Variants in CADPS2 observed in about 807,000 individuals in gnomAD.
The protein encoded by CADPS2 is calcium-dependent secretion activator 2.
A neutral mutation model predicts 172.5 loss-of-function variants in CADPS2; 93 were observed. That is an observed-to-expected ratio of 0.54 (90% confidence interval 0.46 to 0.64). CADPS2 has a LOEUF of 0.64. Among genes scored for constraint, CADPS2 ranks in the 30% least tolerant of loss-of-function variants. CADPS2 has a pLI of 0.00. For missense variants in CADPS2, 1,420 were observed against 1,565.9 expected, an observed-to-expected ratio of 0.91 and a Z score of 1.57; for synonymous variants, 546 against 555.2, an observed-to-expected ratio of 0.98 and a Z score of 0.23.
intron 2 of CADPS2, among the ~76,000 whole-genome samples, chr7:122,716,900 T>C (rs1450376139): frequency 6.6e-6 from 1 of 152,016 alleles, no homozygotes; most frequent in African/African-American, 2.4e-5. Context: ...AAGGAAATAA[T>C]GGGGTTTTGT....
chr7:122,609,992 G>T (rs2074085969), intron 6 of CADPS2, among the ~76,000 whole-genome samples: 1 of 152,118 alleles, frequency 6.6e-6, no homozygotes, highest in South Asian at 2.1e-4. Flanking sequence ...GCATTCATGA[G>T]ATACCTTTTT....
chr7:122,650,205 C>T (rs572081497), intron 3 of CADPS2, among the ~76,000 whole-genome samples: 15 of 150,852 alleles, frequency 9.9e-5, no homozygotes, highest in South Asian at 6.3e-4. Context: ...CTACTACGCC[C>T]GGCCAATGAA....
At chr7:122,538,881 G>A (rs921463624) in intron 8 of CADPS2, among the ~76,000 whole-genome samples, 1 of 151,902 alleles carries the variant, frequency 6.6e-6, no homozygotes, top group Admixed American at 6.6e-5. Flanking sequence ...ATCATTAGAG[G>A]ATCAAATAGG....
intron 20 of CADPS2, among the ~76,000 whole-genome samples, chr7:122,406,201 GAACA>G: frequency 6.6e-6 from 1 of 152,186 alleles, no homozygotes; most frequent in South Asian, 2.1e-4. Context: ...TCAAAGAGGT[GAACA>G]ACCAAAGGAA....
intron 1 of CADPS2, among the ~76,000 whole-genome samples, chr7:122,754,581 A>G (rs1407685754): frequency 6.6e-6 from 1 of 152,080 alleles, no homozygotes; most frequent in Non-Finnish European, 1.5e-5. Flanking sequence ...GGTTCAGTTG[A>G]GTCTCCTGCC....
At chr7:122,563,443 G>A (rs1387398684) in intron 7 of CADPS2, among the ~76,000 whole-genome samples, 2 of 152,048 alleles carry the variant, frequency 1.3e-5, no homozygotes, top group African/African-American at 2.4e-5. Flanking sequence ...ACCCCTCAAA[G>A]GTAGGCACTA....
intron 2 of CADPS2, among the ~76,000 whole-genome samples, chr7:122,670,603 T>C (rs1471351647): frequency 2.6e-5 from 4 of 151,714 alleles, no homozygotes; most frequent in Non-Finnish European, 5.9e-5. Flanking sequence ...GCTGAAGCAA[T>C]TCTCTCACCT....
chr7:122,792,354 T>A lies in CADPS2; in HGVS notation c.340-55286A>T, dbSNP rs548865462. 2.6e-5 allele frequency among the ~76,000 whole-genome samples: 4 copies of A among 152,310 alleles called. No homozygotes were observed. The East Asian group carries it at 7.7e-4, about 29-fold the overall frequency. On this transcript the variant is annotated intron_variant, in intron 1 of 29. Coordinates refer to ENST00000449022, the MANE Select transcript of CADPS2 (RefSeq NM_017954.11). ...ATTAGTACCCTTATAAAGGAGGCTC[T>A]AGGCCCCAGAGAGACCCCATCCCTC...
rs2130449403 is a variant in CADPS2 at position 122,501,996 on chromosome 7, A to C, written c.1543-10576T>G. Among the ~76,000 whole-genome samples the C allele has an allele frequency of 1.3e-5, 2 of 152,156 alleles. 1 individual carries two copies. The highest frequency in any genetic ancestry group is 4.2e-4 in the South Asian group (2 of 4,818). On this transcript the variant is annotated intron_variant, in intron 9 of 29. Coordinates refer to ENST00000449022, the MANE Select transcript of CADPS2 (RefSeq NM_017954.11). ...TATTATTTTATACATTCTCATTCTG[A>C]AACTTAAAAACAACTGTATTCCCGA...
intron 1 of CADPS2, among the ~76,000 whole-genome samples, chr7:122,844,651 G>A (rs1811476292): frequency 6.6e-6 from 1 of 152,186 alleles, no homozygotes; most frequent in South Asian, 2.1e-4. Context: ...TACATCTATA[G>A]TAATGTATCC....
At chr7:122,527,607 AGAGAGAGAGAGTGT>A (rs1196033273) in intron 8 of CADPS2, among the ~76,000 whole-genome samples, 3 of 123,458 alleles carry the variant, frequency 2.4e-5, no homozygotes, top group African/African-American at 9.6e-5. Flanking sequence ...AGAGAGAGAG[AGAGAGAGAGAGTGT>A]GTGTGTGTGT....
rs572979607 is a variant in CADPS2, at chr7:122,351,968, A to G, written c.3505-6287T>C. Among the ~76,000 whole-genome samples, 4 of 152,326 alleles carry G rather than the reference A, an allele frequency of 2.6e-5. No individual in the cohort carries two copies. In the East Asian group the frequency reaches 7.7e-4, roughly 29 times the overall value. ...AAGAGAAGTTTCTTTTAAATATTAA[A>G]ATAAATACTGAATGATAGTTTAAGA... is the stretch of plus-strand genomic sequence containing the variant. On this transcript the variant is annotated intron_variant, in intron 27 of 29. Coordinates refer to ENST00000449022, the MANE Select transcript of CADPS2 (RefSeq NM_017954.11).
chr7:122,430,344 T>C (rs1283259656), intron 17 of CADPS2, among the ~76,000 whole-genome samples: 3 of 152,212 alleles, frequency 2.0e-5, no homozygotes, highest in African/African-American at 7.2e-5. Flanking sequence ...CAATATGCTA[T>C]ATAATTTTCA....
At chr7:122,464,496 G>A (rs2054880534) in intron 14 of CADPS2, among the ~76,000 whole-genome samples, 1 of 152,038 alleles carries the variant, frequency 6.6e-6, no homozygotes, top group East Asian at 1.9e-4. Context: ...TGTTTTATTG[G>A]ACTTAGCTAT....
intron 1 of CADPS2, among the ~76,000 whole-genome samples, chr7:122,827,776 CA>C (rs553518197): frequency 6.1e-4 from 89 of 145,348 alleles, no homozygotes; most frequent in African/African-American, 1.8e-3. Context: ...AAAAACAGTA[CA>C]AAAAAAAAAT....
intron 24 of CADPS2, among the ~76,000 whole-genome samples, chr7:122,382,898 A>T (rs138143545): frequency 1.3e-5 from 2 of 152,134 alleles, no homozygotes; most frequent in African/African-American, 4.8e-5. Context: ...AGCAGTTTGA[A>T]GATTTCTCAA....
intron 1 of CADPS2, among the ~76,000 whole-genome samples, chr7:122,860,412 T>G (rs1231279863): frequency 6.6e-6 from 1 of 152,164 alleles, no homozygotes; most frequent in East Asian, 1.9e-4. Context: ...CTTTTTATCT[T>G]TTTGTAGAGG....
At chr7:122,459,398 G>A (rs1256878668) in intron 14 of CADPS2, among the ~76,000 whole-genome samples, 1 of 151,932 alleles carries the variant, frequency 6.6e-6, no homozygotes, top group Non-Finnish European at 1.5e-5. Flanking sequence ...TATATTGCTA[G>A]GTTAAATGCA....
intron 25 of CADPS2, among the ~76,000 whole-genome samples, chr7:122,368,759 T>C (rs1355978361): frequency 6.6e-6 from 1 of 152,174 alleles, no homozygotes; most frequent in Non-Finnish European, 1.5e-5. Context: ...AATCCAGCAT[T>C]CCGTGCGCCA....
Sources: allele counts gnomAD v4.1 joint callset (sites outside exome capture counted in the v4.1 genomes callset), GRCh38; gene constraint gnomAD v4.1.1; transcripts MANE v1.5; gene names NCBI Gene and HGNC (gene_info 2026-07-23, HGNC 2026-07-21).